MTREX: variants seen among roughly 807,000 people sequenced by gnomAD.
MTREX encodes Mtr4 exosome RNA helicase, also known as exosome RNA helicase MTR4.
MTREX carries 76 observed loss-of-function variants against 135.4 expected under a neutral mutation model. The observed-to-expected ratio is 0.56, with a 90% confidence interval of 0.47 to 0.68. The LOEUF (loss-of-function observed/expected upper bound fraction) is 0.68. Ranked by LOEUF, MTREX falls within the 30% of genes least tolerant of loss-of-function variation. The pLI is 0.00. For missense variants in MTREX, 920 were observed against 1,262.1 expected (o/e 0.73, Z 4.11); for synonymous variants, 404 against 401.6 (o/e 1.01, Z -0.07).
chr5:55,363,677 G>A (rs1021057153), intron 15 of MTREX, among the ~76,000 whole-genome samples: 1 of 152,226 alleles, frequency 6.6e-6, no homozygotes, highest in East Asian at 1.9e-4. Context: ...GGATTGATAG[G>A]TATATAAAAT....
intron 18 of MTREX, among the ~76,000 whole-genome samples, chr5:55,386,686 T>G (rs913723309): frequency 2.2e-4 from 34 of 152,264 alleles, no homozygotes; most frequent in African/African-American, 8.2e-4. Flanking sequence ...ATATTAAATT[T>G]ATTAATCTAC....
chr5:55,328,539 T>G (rs571982290), intron 4 of MTREX, among the ~76,000 whole-genome samples, 160 bp from the exon 5 acceptor site: 1 of 152,302 alleles, frequency 6.6e-6, no homozygotes, highest in South Asian at 2.1e-4. Context: ...TGTAGTGTAC[T>G]CTTCCTTATT....
chr5:55,414,248 T>G lies in MTREX; in HGVS notation c.2808+10T>G, dbSNP rs200685342. ...ACTTCGTCAAATGCAGGTAAGGTTTTTTTTTTTTTTTTTTGAACTACATAT... is the reference window on the plus strand; with the variant it reads ...ACTTCGTCAAATGCAGGTAAGGTTTGTTTTTTTTTTTTTTGAACTACATAT... On this transcript the variant is annotated intron_variant, in intron 24 of 26. Transcript: ENST00000230640. The G allele has an allele frequency of 1.1e-4, 163 of 1,519,928 alleles. No homozygotes were observed. Among genetic ancestry groups the G allele is most frequent in the Middle Eastern group, 3.5e-4 (2 of 5,744 alleles). The allele number at this position is 1,519,928 out of a possible 1,614,324, so 94.2% of individuals were successfully genotyped here. A position where few individuals can be genotyped will look rare whatever the true frequency, so the allele number is the denominator to read the frequency against.
chr5:55,413,209 C>T (rs1750910960), intron 23 of MTREX, among the ~76,000 whole-genome samples: 1 of 151,754 alleles, frequency 6.6e-6, no homozygotes, highest in African/African-American at 2.4e-5. Flanking sequence ...CGTGGTGGCA[C>T]TCCTGTAATC....
chr5:55,313,173 A>G (rs1452512687), intron 1 of MTREX, among the ~76,000 whole-genome samples: 2 of 151,138 alleles, frequency 1.3e-5, no homozygotes, highest in Non-Finnish European at 2.9e-5. Flanking sequence ...CACATGGCTC[A>G]TTTCTGTAAT....
chr5:55,353,093 A>G (rs1390858536), intron 13 of MTREX, 75 bp from the exon 14 acceptor site: 3 of 915,852 alleles, frequency 3.3e-6, no homozygotes, highest in African/African-American at 1.7e-5. Flanking sequence ...TTAATAATGC[A>G]TTTACTTAAA....
At chr5:55,365,661 A>G (rs971847240) in intron 15 of MTREX, among the ~76,000 whole-genome samples, 1 of 152,196 alleles carries the variant, frequency 6.6e-6, no homozygotes, top group African/African-American at 2.4e-5. Flanking sequence ...TTAAATAACT[A>G]CACAACCATT....
At chr5:55,349,701 A>G (rs1270585920) in intron 12 of MTREX, 49 bp downstream of exon 12, 1 of 987,388 alleles carries the variant, frequency 1.0e-6, no homozygotes, top group African/African-American at 1.6e-5. Context: ...AATAGATTGC[A>G]TATATTCACT....
chr5:55,316,909 C>CA (rs1429286372), intron 1 of MTREX, among the ~76,000 whole-genome samples: 1 of 152,144 alleles, frequency 6.6e-6, no homozygotes, highest in Non-Finnish European at 1.5e-5. Flanking sequence ...CTCCAGCTGA[C>CA]AAACAACTTC....
In MTREX at chr5:55,425,304, T is replaced by G. The variant is rs139747822; in HGVS notation, c.*532T>G. 114 of 1,607,698 alleles carry G rather than the reference T, an allele frequency of 7.1e-5. 1 individual carries two copies. Among genetic ancestry groups the G allele is most frequent in the Non-Finnish European group, 3.1e-5 (37 of 1,174,642 alleles). ...TCTTTTCTTTCTTTAAAAGAAGTTC[T>G]TTCTTTGAAGAAATCCGATACATAT... On this transcript the variant is annotated 3_prime_UTR_variant, in exon 27 of 27. Coordinates refer to ENST00000230640, the MANE Select transcript of MTREX (RefSeq NM_015360.5).
At chr5:55,360,178 CA>C (rs1749984341) in intron 15 of MTREX, among the ~76,000 whole-genome samples, 1 of 152,174 alleles carries the variant, frequency 6.6e-6, no homozygotes, top group African/African-American at 2.4e-5. Context: ...GTGGACATTT[CA>C]TATAAACAGA....
At chr5:55,416,583 GA>G (rs1229100886) in intron 25 of MTREX, among the ~76,000 whole-genome samples, 1 of 152,028 alleles carries the variant, frequency 6.6e-6, no homozygotes, top group African/African-American at 2.4e-5. Context: ...TAATGAGCAG[GA>G]TTTTAAGAGA....
intron 21 of MTREX, among the ~76,000 whole-genome samples, chr5:55,402,822 A>ATGTGTGTGTGTG (rs147629671): frequency 4.2e-5 from 6 of 143,644 alleles, no homozygotes; most frequent in African/African-American, 1.0e-4. Context: ...AGCACATTAT[A>ATGTGTGTGTGTG]TGTGTGTGTG....
chr5:55,407,827 C>T (rs923581498), intron 22 of MTREX, among the ~76,000 whole-genome samples: 3 of 152,042 alleles, frequency 2.0e-5, no homozygotes, highest in African/African-American at 4.8e-5. Flanking sequence ...AATCTCGGCT[C>T]ACCGCAGCCT....
chr5:55,392,200 T>C (rs1338675471), intron 19 of MTREX, among the ~76,000 whole-genome samples: 2 of 152,158 alleles, frequency 1.3e-5, no homozygotes, highest in South Asian at 2.1e-4. Context: ...GTTAGTTTAA[T>C]GGTCAGCTCA....
Position 55,414,587 on chromosome 5 carries a change from A to C in MTREX, c.2808+349A>C, listed in dbSNP as rs539729787. 1.1e-4 allele frequency among the ~76,000 whole-genome samples: 17 copies of C among 152,172 alleles called. No individual in the cohort carries two copies. The East Asian group carries it at 2.9e-3, about 26-fold the overall frequency. On this transcript the variant is annotated intron_variant, in intron 24 of 26. Transcript: ENST00000230640. ...GATAATGGTATCTTGAAGGACTAGG[A>C]TTTAGTTTATTTTTAATTTTTTGCA...
intron 14 of MTREX, among the ~76,000 whole-genome samples, chr5:55,354,355 T>C (rs1431269575): frequency 6.6e-6 from 1 of 152,200 alleles, no homozygotes; most frequent in Non-Finnish European, 1.5e-5. Flanking sequence ...AGTAGAATAT[T>C]GGCGGGGGTG....
intron 5 of MTREX, among the ~76,000 whole-genome samples, chr5:55,338,139 C>T (rs1200900591): frequency 1.3e-5 from 2 of 151,964 alleles, no homozygotes; most frequent in African/African-American, 4.8e-5. Context: ...TTTATATATA[C>T]CTTTACATAC....
intron 14 of MTREX, among the ~76,000 whole-genome samples, chr5:55,358,000 C>T (rs1167958252): frequency 1.3e-5 from 2 of 152,302 alleles, no homozygotes; most frequent in East Asian, 3.9e-4. Flanking sequence ...ATGATCAAGT[C>T]AGAATTGATA....
Sources: allele counts gnomAD v4.1 joint callset (sites outside exome capture counted in the v4.1 genomes callset), GRCh38; gene constraint gnomAD v4.1.1; transcripts MANE v1.5; gene names NCBI Gene and HGNC (gene_info 2026-07-23, HGNC 2026-07-21).